Variants in FGF13 observed in about 807,000 individuals in gnomAD.
The protein encoded by FGF13 is fibroblast growth factor 13.
In FGF13, 2 loss-of-function variants were observed where a neutral mutation model predicts 19.5. That is an observed-to-expected ratio of 0.10 (90% CI 0.04 to 0.32). The LOEUF (loss-of-function observed/expected upper bound fraction) is 0.32, where lower values mean the gene tolerates loss of function less well. Ranked by LOEUF, FGF13 falls within the 10% of genes least tolerant of loss-of-function variation. The pLI, the probability that FGF13 is intolerant of heterozygous loss-of-function variation, is 1.00. For synonymous variants in FGF13, 72 were observed against 76.9 expected, an observed-to-expected ratio of 0.94 and a Z score of 0.33; for missense variants, 113 against 192.7, an observed-to-expected ratio of 0.59 and a Z score of 2.45.
chrX:139,071,698 G>T (rs2092377036), intron 1 of FGF13, among the ~76,000 whole-genome samples: 1 of 110,866 alleles, frequency 9.0e-6, no homozygotes, highest in African/African-American at 3.3e-5. Flanking sequence ...GTTATTCATA[G>T]AATTTCTCCA....
chrX:138,793,756 C>G, intron 3 of FGF13, among the ~76,000 whole-genome samples: 1 of 111,872 alleles, frequency 8.9e-6, no homozygotes, highest in Non-Finnish European at 1.9e-5. Context: ...AATTCTGGTC[C>G]TGTCCAAGGT....
intron 3 of FGF13, among the ~76,000 whole-genome samples, chrX:138,685,455 C>T (rs2089772105): frequency 9.1e-6 from 1 of 110,467 alleles, no homozygotes; most frequent in African/African-American, 3.3e-5. Context: ...AAAAAACTGT[C>T]ATAAATGAAA....
intron 1 of FGF13, among the ~76,000 whole-genome samples, chrX:139,189,927 G>C (rs2148276585): frequency 8.9e-6 from 1 of 112,084 alleles, no homozygotes; most frequent in East Asian, 2.8e-4. Flanking sequence ...TTGTCCTGAA[G>C]CTCTACTCCA....
chrX:139,011,357 CA>C (rs1328687562), intron 1 of FGF13, among the ~76,000 whole-genome samples: 1 of 13,523 alleles, frequency 7.4e-5, no homozygotes, highest in Non-Finnish European at 1.6e-4. Context: ...AACAAACAAA[CA>C]AACAAAAAAA....
chrX:139,010,753 A>C (rs768998267), intron 1 of FGF13, among the ~76,000 whole-genome samples: 2 of 111,414 alleles, frequency 1.8e-5, no homozygotes, highest in South Asian at 7.7e-4. Flanking sequence ...GAAGTGGAGC[A>C]ACAAGAACAA....
chrX:139,015,326 A>G (rs955071319), intron 1 of FGF13, among the ~76,000 whole-genome samples: 5 of 111,084 alleles, frequency 4.5e-5, no homozygotes, highest in African/African-American at 1.3e-4. Flanking sequence ...CCTACTAAAG[A>G]CTTCATGAAA....
chrX:138,692,387 G>GTT (rs201393203), intron 3 of FGF13, among the ~76,000 whole-genome samples: 5 of 95,946 alleles, frequency 5.2e-5, no homozygotes, highest in Admixed American at 2.3e-4. Flanking sequence ...TTGTTGAGCT[G>GTT]TTTTTTTTTT....
intron 1 of FGF13, among the ~76,000 whole-genome samples, chrX:139,086,164 C>A (rs894351618): frequency 3.6e-5 from 4 of 111,291 alleles, no homozygotes; most frequent in African/African-American, 1.3e-4. Context: ...AGTATCATGA[C>A]AGATAGCATC....
chrX:138,739,250 G>T lies in FGF13; in HGVS notation c.20C>A (p.Ser7Ter). The T allele has an allele frequency of 2.6e-6, 3 of 1,136,412 alleles. No homozygotes were observed. Among genetic ancestry groups the T allele is most frequent in the Non-Finnish European group, 2.4e-6 (2 of 829,863 alleles). The allele number at this position is 1,136,412 out of a possible 1,213,427, so 93.7% of individuals were successfully genotyped here. ...GCAGAAATAAATCTTACCTGAATACGACTTCCTTAACAAAGCCATGCTTCT... is the reference window on the plus strand; with the variant it reads ...GCAGAAATAAATCTTACCTGAATACTACTTCCTTAACAAAGCCATGCTTCT... Residue 7 changes from serine (S) to a stop codon, truncating the protein, a stop_gained, in exon 1 of 5, where the codon TCG becomes TAG. Transcript: ENST00000305414. LOFTEE classifies it high-confidence loss of function.
chrX:138,954,694 T>C (rs1459679477), intron 1 of FGF13, among the ~76,000 whole-genome samples: 1 of 111,716 alleles, frequency 9.0e-6, no homozygotes. Flanking sequence ...TTTAAAATGA[T>C]CTGAGAGATC....
chrX:139,044,938 C>T (rs1051562170), intron 1 of FGF13, among the ~76,000 whole-genome samples: 7 of 111,653 alleles, frequency 6.3e-5, no homozygotes, highest in Non-Finnish European at 7.5e-5. Context: ...CTAGGCAGCA[C>T]CCCAGTGGGG....
At chrX:138,674,250 A>T (rs1377700589) in intron 3 of FGF13, among the ~76,000 whole-genome samples, 1 of 111,338 alleles carries the variant, frequency 9.0e-6, no homozygotes, top group Admixed American at 9.6e-5. Flanking sequence ...ATAGTTTTCT[A>T]TTATTATCCC....
chrX:138,706,012 A>G (rs2089988764), intron 2 of FGF13, among the ~76,000 whole-genome samples: 1 of 112,481 alleles, frequency 8.9e-6, no homozygotes, highest in Admixed American at 9.4e-5. Flanking sequence ...TTCTATTTGA[A>G]GGGCCACTTA....
chrX:138,938,675 AAGAC>A lies in FGF13; in HGVS notation c.-112-74029_-112-74026del, dbSNP rs1162539096. On this transcript the variant is annotated intron_variant, in intron 1 of 2. Transcript: ENST00000421460. Reference sequence around the variant, plus strand: ...TTATTAATAACATAATTGTAATTAAAAGACAGAGAGAATTTGGAATGCATCAAGT... The same window carrying A: ...TTATTAATAACATAATTGTAATTAAAAGAGAGAATTTGGAATGCATCAAGT... Among the ~76,000 whole-genome samples, 3 of 111,567 alleles carry A rather than the reference AAGAC, an allele frequency of 2.7e-5. No individual in the cohort carries two copies. The Admixed American group carries it at 2.9e-4, about 11-fold the overall frequency.
At chrX:139,204,612 C>T, upstream of FGF13, among the ~76,000 whole-genome samples, 1 of 113,079 alleles carries the variant, frequency 8.8e-6, no homozygotes, top group South Asian at 3.6e-4. Flanking sequence ...TCTCCCAATC[C>T]GCTGCGGGCC....
chrX:138,755,750 A>G lies in FGF13; in HGVS notation c.218-46822T>C, dbSNP rs960750597. On this transcript the variant is annotated intron_variant, in intron 3 of 6. Coordinates refer to the FGF13 transcript ENST00000436198. ...GCTTCTTGCTCTAACCCATTATTGT[A>G]ATGATGGGGAGACAAAGGTTCAGAG... is the stretch of plus-strand genomic sequence containing the variant. Among the ~76,000 whole-genome samples, 7 of 112,276 alleles carry G rather than the reference A, an allele frequency of 6.2e-5. No homozygotes were observed. In the South Asian group the frequency reaches 1.1e-3, roughly 18 times the overall value.
chrX:139,039,062 G>C (rs112802501), intron 1 of FGF13, among the ~76,000 whole-genome samples: 5 of 112,396 alleles, frequency 4.4e-5, no homozygotes, highest in Non-Finnish European at 9.4e-5. Flanking sequence ...GCTTGGAACA[G>C]AGATTTGAAA....
intron 3 of FGF13, among the ~76,000 whole-genome samples, chrX:138,791,133 T>C (rs1166926814): frequency 7.1e-5 from 8 of 112,606 alleles, no homozygotes; most frequent in Admixed American, 4.7e-4. Flanking sequence ...ATAACAACTA[T>C]GTCCATAGCA....
intron 1 of FGF13, among the ~76,000 whole-genome samples, chrX:139,102,531 C>T (rs2083522345): frequency 8.9e-6 from 1 of 112,015 alleles, no homozygotes; most frequent in South Asian, 3.7e-4. Context: ...AATAACAGCT[C>T]CTACCCTGAC....
Sources: allele counts gnomAD v4.1 joint callset (sites outside exome capture counted in the v4.1 genomes callset), GRCh38; gene constraint gnomAD v4.1.1; transcripts MANE v1.5; gene names NCBI Gene and HGNC (gene_info 2026-07-23, HGNC 2026-07-21).